Variants in APMAP observed in about 807,000 individuals in gnomAD.
APMAP encodes the protein adipocyte plasma membrane associated protein.
Under a neutral mutation model 43.6 loss-of-function variants are expected in APMAP, and 33 were observed. The ratio of observed to expected loss-of-function variants is 0.76; its 90% CI spans 0.57 to 1.01. APMAP has a LOEUF of 1.01. APMAP is among the 50% of genes least tolerant of loss of function. The probability of loss-of-function intolerance (pLI) is 0.00; values close to 1 mark genes in which losing one functional copy is unlikely to be tolerated. For missense variants in APMAP, 498 were observed against 540.7 expected (o/e 0.92, Z 0.78); for synonymous variants, 224 against 216.7 (o/e 1.03, Z -0.30).
chr20:24,989,088 G>A (rs985965703), intron 1 of APMAP, among the ~76,000 whole-genome samples: 4 of 151,772 alleles, frequency 2.6e-5, no homozygotes, highest in South Asian at 4.2e-4. Context: ...GTCTTTTCTC[G>A]GTGTCTGCCT....
intron 7 of APMAP, 70 bp from the exon 8 acceptor site, chr20:24,969,154 A>G (rs2087975139): frequency 7.1e-7 from 1 of 1,411,686 alleles, no homozygotes; most frequent in East Asian, 2.4e-5. Context: ...TTAGCCAAGC[A>G]CCAAACTGGT....
intron 3 of APMAP, among the ~76,000 whole-genome samples, chr20:24,975,423 C>T (rs1486807207): frequency 6.6e-6 from 1 of 152,094 alleles, no homozygotes; most frequent in Non-Finnish European, 1.5e-5. Context: ...ATACTATGTA[C>T]ATTAGCATCC....
intron 1 of APMAP, among the ~76,000 whole-genome samples, chr20:24,988,268 T>C (rs1404140138): frequency 6.6e-6 from 1 of 152,238 alleles, no homozygotes; most frequent in Non-Finnish European, 1.5e-5. Flanking sequence ...TCCTCATCTG[T>C]CTTGACTCCA....
chr20:24,987,190 A>C (rs112434818), intron 1 of APMAP, among the ~76,000 whole-genome samples: 7,260 of 152,228 alleles, frequency 0.048, 248 homozygotes, highest in Middle Eastern at 0.11. Context: ...TGGCATGATC[A>C]TATCTCACTG....
In APMAP at chr20:24,978,874, T is replaced by A; in HGVS notation, c.221A>T (p.Glu74Val). 1 of 1,612,940 alleles carries A rather than the reference T, an allele frequency of 6.2e-7. No homozygotes were observed. Among genetic ancestry groups the A allele is most frequent in the Non-Finnish European group, 8.5e-7 (1 of 1,178,964 alleles). The stretch of plus-strand genomic sequence containing the variant: ...CAGAACACCAAGCAAGAGCGGGGGT[T>A]CTTTGAAGCTGCAAAATAATGCAAT... ...PIDPQPLSFK[E>V]PPLLLGVLHP... Residue 74 changes from glutamate (E) to valine (V), a missense_variant, in exon 3 of 9, where the codon GAA becomes GTA. Physicochemically the swap from Glu to Val is moderately radical, Grantham distance 121. Transcript: ENST00000217456.
At chr20:24,964,985 A>G (rs2087931032) in intron 8 of APMAP, among the ~76,000 whole-genome samples, 1 of 151,580 alleles carries the variant, frequency 6.6e-6, no homozygotes, top group South Asian at 2.1e-4. Flanking sequence ...GATCCTTCCC[A>G]CTCTCCTCTC....
chr20:24,981,463 GT>G, intron 2 of APMAP, among the ~76,000 whole-genome samples: 1 of 152,310 alleles, frequency 6.6e-6, no homozygotes. Flanking sequence ...GCTCTCTGAG[GT>G]CCCCCACATC....
chr20:24,979,607 A>G (rs1039430918), intron 2 of APMAP, among the ~76,000 whole-genome samples: 4 of 152,002 alleles, frequency 2.6e-5, no homozygotes, highest in African/African-American at 7.2e-5. Flanking sequence ...TCCTCCTTAC[A>G]ACCCTGGCTG....
chr20:24,964,323 A>C, intron 8 of APMAP: 1 of 565,954 alleles, frequency 1.8e-6, no homozygotes, highest in Non-Finnish European at 3.5e-6. Flanking sequence ...GACATATCAC[A>C]TCCGACGTGG....
At chr20:24,969,105 G>A (rs921671442) in intron 7 of APMAP, 21 bp from the exon 8 acceptor site, 1 of 1,565,236 alleles carries the variant, frequency 6.4e-7, no homozygotes, top group Admixed American at 2.0e-5. Context: ...CACCCAAGCA[G>A]AGAGTGAACC....
chr20:24,988,996 T>C (rs964392550), intron 1 of APMAP, among the ~76,000 whole-genome samples: 3 of 152,170 alleles, frequency 2.0e-5, no homozygotes, highest in African/African-American at 7.2e-5. Flanking sequence ...CCACACTTAT[T>C]TTAGCCCAAG....
chr20:24,975,712 C>G (rs1175887545), intron 3 of APMAP, among the ~76,000 whole-genome samples: 2 of 152,072 alleles, frequency 1.3e-5, no homozygotes, highest in Non-Finnish European at 2.9e-5. Flanking sequence ...CTCAAAATAT[C>G]CAATACAATA....
In APMAP at chr20:24,963,908, T is replaced by C. The variant is rs771316582; in HGVS notation, c.1156A>G (p.Thr386Ala). 2 of 1,614,086 alleles carry C rather than the reference T, an allele frequency of 1.2e-6. No individual in the cohort carries two copies. Among genetic ancestry groups the C allele is most frequent in the East Asian group, 4.5e-5 (2 of 44,894 alleles). The change falls in exon 9 of 9, where the codon ACC (threonine) becomes GCC (alanine). Residue 386 changes from threonine to alanine, a missense_variant. Thr to Ala is a moderately conservative substitution (Grantham distance 58). Transcript: ENST00000217456. ...TGTTCGTGCACCTCGCTGATGTAGGTGGCCACCAGCCCATCGGGATCATGC... is the reference window on the plus strand; with the variant it reads ...TGTTCGTGCACCTCGCTGATGTAGGCGGCCACCAGCCCATCGGGATCATGC... ...SLHDPDGLVA[T>A]YISEVHEHDG...
At chr20:24,968,103 G>C (rs1207508896) in intron 8 of APMAP, among the ~76,000 whole-genome samples, 1 of 152,252 alleles carries the variant, frequency 6.6e-6, no homozygotes, top group Non-Finnish European at 1.5e-5. Flanking sequence ...CTGTGACACG[G>C]AGCTTGCTGG....
Position 24,973,346 on chromosome 20 carries a change from C to T in APMAP, c.421+299G>A, listed in dbSNP as rs773025170. On this transcript the variant is annotated intron_variant, in intron 4 of 8. Coordinates refer to ENST00000217456, the MANE Select transcript of APMAP (RefSeq NM_020531.3). ...TAACACCTATTAGCCTCTGAAGTAC[C>T]GCAAAGGTAAACGGGGACCCCAATA... Among the ~76,000 whole-genome samples, 5 of 152,258 alleles carry T rather than the reference C, an allele frequency of 3.3e-5. No individual in the cohort carries two copies. The South Asian group carries it at 6.2e-4, about 19-fold the overall frequency.
chr20:24,982,407 C>T (rs1474677924), intron 2 of APMAP, among the ~76,000 whole-genome samples: 1 of 152,224 alleles, frequency 6.6e-6, no homozygotes, highest in Non-Finnish European at 1.5e-5. Flanking sequence ...GCTTCTCTTC[C>T]TTTCCTTCCT....
At chr20:24,984,692 G>A (rs771831165) in intron 1 of APMAP, among the ~76,000 whole-genome samples, 4 of 152,234 alleles carry the variant, frequency 2.6e-5, no homozygotes, top group Non-Finnish European at 4.4e-5. Context: ...CCCTTGGGAA[G>A]ATATGAAAGC....
intron 8 of APMAP, among the ~76,000 whole-genome samples, chr20:24,966,763 C>T (rs892527660): frequency 2.0e-5 from 3 of 152,112 alleles, no homozygotes; most frequent in Non-Finnish European, 2.9e-5. Context: ...AGGACAACAC[C>T]GGGACAACTG....
intron 8 of APMAP, among the ~76,000 whole-genome samples, chr20:24,965,006 C>A (rs139737528): frequency 7.7e-4 from 117 of 152,314 alleles, no homozygotes; most frequent in African/African-American, 2.4e-3. Flanking sequence ...TTCTCTCTTC[C>A]CCCTAAGAGA....
Sources: gnomAD v4.1 joint callset for allele counts (sites outside exome capture counted in the v4.1 genomes callset) on GRCh38, gnomAD v4.1.1 for gene constraint, MANE v1.5 for transcripts, NCBI Gene and HGNC (gene_info 2026-07-23, HGNC 2026-07-21) for gene names.